Variants in WDR35 observed in about 807,000 individuals in gnomAD.
WDR35 encodes the protein WD repeat-containing protein 35.
A neutral mutation model predicts 158.3 loss-of-function variants in WDR35; 118 were observed. The ratio of observed to expected loss-of-function variants is 0.75; its 90% CI spans 0.64 to 0.87. The LOEUF is 0.87. WDR35 is among the 40% of genes least tolerant of loss of function. The pLI, the probability that WDR35 is intolerant of heterozygous loss-of-function variation, is 0.00. For synonymous variants in WDR35, 448 were observed against 476.1 expected (o/e 0.94, Z 0.77); for missense variants, 1,263 against 1,405.8 (o/e 0.90, Z 1.62).
rs1432350738 is a variant in WDR35 at position 19,912,060 on chromosome 2, C to T, written c.*1498G>A. 6 of 152,162 alleles carry T rather than the reference C, an allele frequency of 3.9e-5. No individual in the cohort carries two copies. Among genetic ancestry groups the T allele is most frequent in the Admixed American group, 3.9e-4 (6 of 15,272 alleles). 9.4% of individuals were successfully genotyped at this position (152,162 alleles called of 1,614,324 possible). The stretch of plus-strand genomic sequence containing the variant: ...TTGTAACCCGACTATTAGGGGAAAG[C>T]GTATGTGACAGAATGTGAGTCAGGA... On this transcript the variant is annotated 3_prime_UTR_variant, in exon 27 of 27. Coordinates refer to ENST00000281405, the MANE Select transcript of WDR35 (RefSeq NM_020779.4).
intron 17 of WDR35, among the ~76,000 whole-genome samples, chr2:19,940,813 T>G (rs1244288168): frequency 6.6e-6 from 1 of 152,226 alleles, no homozygotes; most frequent in Non-Finnish European, 1.5e-5. Flanking sequence ...CTCCTTTCCC[T>G]GTGCTGTCCA....
Position 19,960,540 on chromosome 2 carries a change from C to G in WDR35, c.1255+14G>C. The G allele has an allele frequency of 6.3e-7, 1 of 1,585,524 alleles. No individual in the cohort carries two copies. The highest frequency in any genetic ancestry group is 8.7e-7 in the Non-Finnish European group (1 of 1,155,934). Reference sequence around the variant, plus strand: ...ACCTGATTGGAAAAGAAATAAATATCAACATTTCCTTACCAATATCAATGT... The same window carrying G: ...ACCTGATTGGAAAAGAAATAAATATGAACATTTCCTTACCAATATCAATGT... On this transcript the variant is annotated intron_variant, in intron 11 of 26. Coordinates refer to ENST00000281405, the MANE Select transcript of WDR35 (RefSeq NM_020779.4).
intron 25 of WDR35, among the ~76,000 whole-genome samples, chr2:19,923,409 A>C (rs144077698): frequency 6.6e-6 from 1 of 152,174 alleles, no homozygotes; most frequent in Non-Finnish European, 1.5e-5. Context: ...TCAGGGTAAC[A>C]ATGGGAAAAG....
intron 25 of WDR35, among the ~76,000 whole-genome samples, chr2:19,927,783 C>T (rs1207774051): frequency 2.6e-5 from 4 of 152,192 alleles, no homozygotes; most frequent in Non-Finnish European, 5.9e-5. Context: ...AACTGGAGTG[C>T]TTAAAGGAGC....
Position 19,980,795 on chromosome 2 carries a change from T to C in WDR35, c.215-12A>G, listed in dbSNP as rs1292463702. 9 of 1,609,200 alleles carry C rather than the reference T, an allele frequency of 5.6e-6. No individual in the cohort carries two copies. The highest frequency in any genetic ancestry group is 6.8e-6 in the Non-Finnish European group (8 of 1,175,962). ...AACTTGAACAGAACCTAGAACATTA[T>C]AAAACAATTTAGAAACTTAAAGGTT... On this transcript the variant is annotated splice_polypyrimidine_tract_variant and intron_variant, in intron 3 of 26. Transcript: ENST00000281405.
intron 12 of WDR35, among the ~76,000 whole-genome samples, chr2:19,952,774 C>A (rs528734290): frequency 4.3e-4 from 62 of 145,786 alleles, no homozygotes; most frequent in Non-Finnish European, 7.7e-4. Flanking sequence ...TTCGCATACT[C>A]AACATACTTT....
At chr2:19,988,391 G>A (rs1279981713) in intron 2 of WDR35, among the ~76,000 whole-genome samples, 1 of 152,190 alleles carries the variant, frequency 6.6e-6, no homozygotes, top group Non-Finnish European at 1.5e-5. Context: ...GGTCTATTGT[G>A]TGGGGGTAGA....
Position 19,930,564 on chromosome 2 carries a change from G to A in WDR35, c.2965-12C>T, listed in dbSNP as rs946412475. ...AAGGCAGAAGTGGCCTACGAGTAAA[G>A]TCAGCCCACACTTTCCGTCAGCACA... On this transcript the variant is annotated splice_polypyrimidine_tract_variant and intron_variant, in intron 24 of 26. Transcript: ENST00000281405. 1 of 1,613,702 alleles carries A rather than the reference G, an allele frequency of 6.2e-7. No individual in the cohort carries two copies. The highest frequency in any genetic ancestry group is 8.5e-7 in the Non-Finnish European group (1 of 1,180,014).
At chr2:19,929,985 T>C (rs1022054341) in intron 25 of WDR35, among the ~76,000 whole-genome samples, 1 of 151,454 alleles carries the variant, frequency 6.6e-6, no homozygotes, top group African/African-American at 2.4e-5. Context: ...AAGTATGCCA[T>C]GTTATACTCC....
rs140753861 is a variant in WDR35, at chr2:19,966,867, G to C, written c.1051C>G (p.Pro351Ala). Residue 351 changes from proline to alanine, a missense_variant, in exon 10 of 27, where the codon CCT becomes GCT. Transcript: ENST00000281405. ...ACAACACAATATTCTGGACGATCAG[G>C]TCTGGTATATGCATAAACTACAGTG... The part of the protein sequence containing the change: ...SNTVVYAYTR[P>A]DRPEYCVVFW... The C allele has an allele frequency of 8.7e-5, 141 of 1,613,866 alleles. 1 individual carries two copies. The African/African-American group carries it at 1.7e-3, about 20-fold the overall frequency.
chr2:19,929,053 C>T (rs1008326476), intron 25 of WDR35, among the ~76,000 whole-genome samples: 6 of 152,130 alleles, frequency 3.9e-5, no homozygotes, highest in South Asian at 2.1e-4. Flanking sequence ...GTGATCCACC[C>T]GCCTCAGCCT....
chr2:19,985,060 T>A (rs1443855458), intron 2 of WDR35, among the ~76,000 whole-genome samples: 4 of 152,176 alleles, frequency 2.6e-5, no homozygotes, highest in African/African-American at 9.7e-5. Flanking sequence ...AATTTTGTTG[T>A]CCTGGGCATA....
chr2:19,914,021 A>G lies in WDR35; in HGVS notation c.3362+16T>C. 1 of 1,613,712 alleles carries G rather than the reference A, an allele frequency of 6.2e-7. No individual in the cohort carries two copies. Among genetic ancestry groups the G allele is most frequent in the Non-Finnish European group, 8.5e-7 (1 of 1,179,968 alleles). ...TAATAAGATAGAATGGCATCCACTA[A>G]TTAAAATTAGCCTACCCTTCCATAA... On this transcript the variant is annotated intron_variant, in intron 26 of 26. Transcript: ENST00000281405.
In WDR35 at chr2:19,989,187, A is replaced by G; in HGVS notation, c.120T>C (p.Val40=). The G allele has an allele frequency of 1.9e-6, 3 of 1,614,222 alleles. No individual in the cohort carries two copies. Among genetic ancestry groups the G allele is most frequent in the Non-Finnish European group, 2.5e-6 (3 of 1,180,050 alleles). ...TACCTGTCTGCGTCTCTAATTTCAA[A>G]ACTTTCAGTAATCCATCTTCACCAC... is the stretch of plus-strand genomic sequence containing the variant. The part of the protein sequence containing the change: ...ACGGEDGLLK[V]LKLETQTDDA... Residue 40 remains valine (V), a synonymous_variant, in exon 2 of 27, where the codon GTT becomes GTC. Coordinates refer to ENST00000281405, the MANE Select transcript of WDR35 (RefSeq NM_020779.4).
intron 9 of WDR35, 113 bp downstream of exon 9, chr2:19,969,367 A>T: frequency 8.7e-7 from 1 of 1,144,112 alleles, no homozygotes; most frequent in Non-Finnish European, 1.2e-6. Flanking sequence ...TCACACAAAA[A>T]GGCTTCCTTT....
chr2:19,952,254 T>C (rs571264140), intron 12 of WDR35, among the ~76,000 whole-genome samples: 102 of 152,318 alleles, frequency 6.7e-4, no homozygotes, highest in East Asian at 6.0e-3. Context: ...CTGGTGACCT[T>C]TGGCAAATAC....
Position 19,978,840 on chromosome 2 carries a change from G to A in WDR35, c.347C>T (p.Ser116Leu), listed in dbSNP as rs1450802219. The A allele has an allele frequency of 3.1e-6, 5 of 1,613,620 alleles. No homozygotes were observed. The highest frequency in any genetic ancestry group is 3.3e-5 in the Admixed American group (2 of 59,992). The change falls in exon 5 of 27, where the codon TCA becomes TTA. Residue 116 changes from serine to leucine, a missense_variant. Ser to Leu is a moderately radical substitution (Grantham distance 145). Transcript: ENST00000281405. ...ATTCCAGCTCATACTGCGAACAACT[G>A]ATTTATTTCGATTGTTGATCATCTC... is the stretch of plus-strand genomic sequence containing the variant. ...IEEMINNRNK[S>L]VVRSMSWNAD...
intron 5 of WDR35, among the ~76,000 whole-genome samples, chr2:19,978,465 GA>G (rs1672278738): frequency 6.6e-6 from 1 of 151,928 alleles, no homozygotes; most frequent in Admixed American, 6.6e-5. Flanking sequence ...AATATAAAAA[GA>G]AATTACATAA....
rs1158571740 is a variant in WDR35, at chr2:19,951,483, T to C, written c.1402A>G (p.Ile468Val). The C allele has an allele frequency of 6.2e-7, 1 of 1,609,612 alleles. No homozygotes were observed. The highest frequency in any genetic ancestry group is 1.7e-5 in the Admixed American group (1 of 59,828). Residue 468 changes from isoleucine to valine, a missense_variant and splice_region_variant, in exon 13 of 27, where the codon ATT (isoleucine) becomes GTT (valine). Ile to Val is a conservative substitution (Grantham distance 29, BLOSUM62 3). Transcript: ENST00000281405. ...TRSRKEGRERIYHVDDTPSGS... is the reference protein window; with the variant it reads ...TRSRKEGRERVYHVDDTPSGS... ...GAAGGGGTATCATCAACATGATAAA[T>C]TCTGCAAAAAAGATCAGAATTTCAA...
Sources: allele counts gnomAD v4.1 joint callset (sites outside exome capture counted in the v4.1 genomes callset), GRCh38; gene constraint gnomAD v4.1.1; transcripts MANE v1.5; gene names NCBI Gene and HGNC (gene_info 2026-07-23, HGNC 2026-07-21).